The following MCTP2 variants were observed in gnomAD, a reference collection of about 807,000 sequenced individuals.
MCTP2 encodes multiple C2 and transmembrane domain containing 2, also known as multiple C2 and transmembrane domain-containing protein 2.
In MCTP2, 132 loss-of-function variants were observed where a neutral mutation model predicts 111.6. The observed-to-expected ratio is 1.18, with a 90% CI of 1.03 to 1.37. MCTP2 has a LOEUF of 1.37. Ranked by LOEUF, MCTP2 falls within the 40% of genes most tolerant of loss-of-function variation. The pLI, the probability that MCTP2 is intolerant of heterozygous loss-of-function variation, is 0.00. For synonymous variants in MCTP2, 395 were observed against 387.7 expected (o/e 1.02, Z -0.22); for missense variants, 1,183 against 1,067.9 (o/e 1.11, Z -1.50).
intron 19 of MCTP2, among the ~76,000 whole-genome samples, chr15:94,453,566 G>C (rs956521833): frequency 6.6e-6 from 1 of 152,166 alleles, no homozygotes; most frequent in Non-Finnish European, 1.5e-5. Context: ...CATAATTTAA[G>C]CCTTCCTGCT....
chr15:94,441,924 C>T lies in MCTP2; in HGVS notation c.2209-995C>T, dbSNP rs527832462. Reference sequence around the variant, plus strand: ...CCATGAGTACCACACAAACTGCTAGCTGAATCTTGTGAGAATTCTAGGAGG... The same window carrying T: ...CCATGAGTACCACACAAACTGCTAGTTGAATCTTGTGAGAATTCTAGGAGG... On this transcript the variant is annotated intron_variant, in intron 18 of 22. Transcript: ENST00000357742. Among the ~76,000 whole-genome samples the T allele has an allele frequency of 1.1e-4, 16 of 152,328 alleles. 1 individual carries two copies. The South Asian group carries it at 3.3e-3, about 32-fold the overall frequency.
chr15:94,326,822 C>CA, intron 4 of MCTP2, among the ~76,000 whole-genome samples: 1 of 92,852 alleles, frequency 1.1e-5, no homozygotes, highest in African/African-American at 3.8e-5. Context: ...CGCCCCACCC[C>CA]CCCCCAACCT....
At chr15:94,383,440 G>A (rs1361173819) in intron 12 of MCTP2, among the ~76,000 whole-genome samples, 1 of 152,194 alleles carries the variant, frequency 6.6e-6, no homozygotes, top group Non-Finnish European at 1.5e-5. Context: ...GCCTGGTCTT[G>A]GGTGGTGTGT....
chr15:94,440,610 A>C (rs2083726306), intron 18 of MCTP2, among the ~76,000 whole-genome samples: 1 of 152,172 alleles, frequency 6.6e-6, no homozygotes, highest in Admixed American at 6.5e-5. Flanking sequence ...CAACCTCCTC[A>C]GTCACTAGCG....
chr15:94,435,868 T>A lies in MCTP2; in HGVS notation c.2086-4308T>A, dbSNP rs189031971. ...GGATGGTCTCGATCTCCTGACCTCG[T>A]GATCCGCCCGCCTCGGCCTCCCAAA... is the stretch of plus-strand genomic sequence containing the variant. On this transcript the variant is annotated intron_variant, in intron 17 of 22. Transcript: ENST00000357742. Among the ~76,000 whole-genome samples, 946 of 151,696 alleles carry A rather than the reference T, an allele frequency of 6.2e-3. 5 individuals are homozygous for A. Among genetic ancestry groups the A allele is most frequent in the African/African-American group, 0.021 (891 of 41,446 alleles).
At chr15:94,311,783 C>A (rs28541849) in intron 2 of MCTP2, among the ~76,000 whole-genome samples, 1 of 152,080 alleles carries the variant, frequency 6.6e-6, no homozygotes, top group Admixed American at 6.5e-5. Context: ...TGAATAAAAG[C>A]TCTGTTTTCA....
intron 20 of MCTP2, among the ~76,000 whole-genome samples, chr15:94,459,189 TCTTA>T (rs1180632840): frequency 2.0e-5 from 3 of 152,234 alleles, no homozygotes; most frequent in Admixed American, 6.5e-5. Context: ...AAGGATTAAT[TCTTA>T]CTTTATTGGT....
intron 17 of MCTP2, chr15:94,402,404 C>G: frequency 6.6e-7 from 1 of 1,514,632 alleles, no homozygotes; most frequent in Non-Finnish European, 8.9e-7. Flanking sequence ...GTAAATTATT[C>G]CCAAACTTTG....
intron 20 of MCTP2, among the ~76,000 whole-genome samples, chr15:94,464,245 T>TATATATATAATATATATATATATA (rs1555481347): frequency 3.5e-5 from 2 of 56,686 alleles, no homozygotes; most frequent in African/African-American, 1.3e-4. Flanking sequence ...ATATAATATA[T>TATATATATAATATATATATATATA]ATATATATAT....
At chr15:94,428,337 C>G (rs1395467124) in intron 17 of MCTP2, among the ~76,000 whole-genome samples, 5 of 152,166 alleles carry the variant, frequency 3.3e-5, no homozygotes, top group African/African-American at 4.8e-5. Flanking sequence ...GTCTTGCTTT[C>G]CCTGTTGCTT....
At position 94,460,961 on chromosome 15, in the gene MCTP2, C is replaced by A. The variant is rs532159604; in HGVS notation, c.2360+2715C>A. Among the ~76,000 whole-genome samples, 319 of 151,070 alleles carry A rather than the reference C, an allele frequency of 2.1e-3. 2 individuals are homozygous for A. Among genetic ancestry groups the A allele is most frequent in the Middle Eastern group, 0.011 (3 of 278 alleles). ...AGGAAAACTTTTATTCAACTCTTGG[C>A]AACTGGCAAAAATACAGAAATACAT... On this transcript the variant is annotated intron_variant, in intron 20 of 22. Coordinates refer to ENST00000357742, the MANE Select transcript of MCTP2 (RefSeq NM_001385001.1).
chr15:94,292,198 A>G (rs1011975518), intron 1 of MCTP2, among the ~76,000 whole-genome samples: 1 of 152,228 alleles, frequency 6.6e-6, no homozygotes, highest in African/African-American at 2.4e-5. Flanking sequence ...AACCTCTAGC[A>G]CTATACTTAC....
chr15:94,462,537 G>GT (rs1365828002), intron 20 of MCTP2, among the ~76,000 whole-genome samples: 1 of 152,194 alleles, frequency 6.6e-6, no homozygotes, highest in Non-Finnish European at 1.5e-5. Flanking sequence ...AAAGAGTCTA[G>GT]TAAGGTTTTA....
At chr15:94,345,945 G>A (rs902051617) in intron 8 of MCTP2, among the ~76,000 whole-genome samples, 8 of 151,890 alleles carry the variant, frequency 5.3e-5, no homozygotes, top group Admixed American at 3.3e-4. Flanking sequence ...GTGTGTGATC[G>A]GAAGATGTAC....
In MCTP2 at chr15:94,383,143, C is replaced by T. The variant is rs114980941; in HGVS notation, c.1583-879C>T. On this transcript the variant is annotated intron_variant, in intron 12 of 22. Transcript: ENST00000357742. ...ACCAGAAATGTAGCTCGTGTATTCTCATAACGTACTGAGTATACAGGATCA... is the reference window on the plus strand; with the variant it reads ...ACCAGAAATGTAGCTCGTGTATTCTTATAACGTACTGAGTATACAGGATCA... Among the ~76,000 whole-genome samples, 620 of 152,250 alleles carry T rather than the reference C, an allele frequency of 4.1e-3. 3 individuals are homozygous for T. The highest frequency in any genetic ancestry group is 0.014 in the African/African-American group (598 of 41,546).
At chr15:94,301,174 A>G (rs1312339512) in intron 2 of MCTP2, among the ~76,000 whole-genome samples, 1 of 152,188 alleles carries the variant, frequency 6.6e-6, no homozygotes, top group African/African-American at 2.4e-5. Context: ...AACAAAGACC[A>G]AGACTGATTC....
intron 4 of MCTP2, among the ~76,000 whole-genome samples, chr15:94,328,255 A>G (rs2076972483): frequency 6.6e-6 from 1 of 150,644 alleles, no homozygotes; most frequent in Non-Finnish European, 1.5e-5. Flanking sequence ...CAGCCTCATG[A>G]GTAGCTGGGA....
chr15:94,466,094 TC>T (rs1333540108), intron 20 of MCTP2, among the ~76,000 whole-genome samples: 1 of 152,188 alleles, frequency 6.6e-6, no homozygotes. Flanking sequence ...TTTTCAAAAT[TC>T]TACTTCATCA....
rs1195920743 is a variant in MCTP2 at position 94,299,006 on chromosome 15, TCTCCCTCTCTCC to T, written c.465+294_465+305del. ...CCCTCTCCCTCTCTCCCTCTCCCTC[TCTCCCTCTCTCC>T]CTCCCTCTCTCCCTCCCCCTCCCCC... On this transcript the variant is annotated intron_variant, in intron 2 of 22. Transcript: ENST00000357742. Among the ~76,000 whole-genome samples the T allele has an allele frequency of 3.1e-4, 24 of 77,384 alleles. 1 individual carries two copies. Among genetic ancestry groups the T allele is most frequent in the South Asian group, 1.6e-3 (2 of 1,230 alleles). The allele number at this position is 77,384 out of a possible 152,430, so 50.8% of individuals were successfully genotyped here. A position where few individuals can be genotyped will look rare whatever the true frequency, so the allele number is the denominator to read the frequency against.
Sources: allele counts gnomAD v4.1 joint callset (sites outside exome capture counted in the v4.1 genomes callset), GRCh38; gene constraint gnomAD v4.1.1; transcripts MANE v1.5; gene names NCBI Gene and HGNC (gene_info 2026-07-23, HGNC 2026-07-21).